RASL12: variants seen among roughly 807,000 people sequenced by gnomAD.
RASL12 encodes RAS like family 12.
RASL12 carries 16 observed loss-of-function variants against 22.9 expected under a neutral mutation model. The observed-to-expected ratio is 0.70, with a 90% CI of 0.47 to 1.06. RASL12 has a LOEUF of 1.06. Among genes scored for constraint, RASL12 ranks in the 50% least tolerant of loss-of-function variants. The probability of loss-of-function intolerance (pLI) is 0.00; values close to 1 mark genes in which losing one functional copy is unlikely to be tolerated. For missense variants in RASL12, 306 were observed against 353.1 expected (o/e 0.87, Z 1.07); for synonymous variants, 159 against 152.2 (o/e 1.04, Z -0.33).
chr15:65,052,061 C>A (rs1485683215), downstream of RASL12, among the ~76,000 whole-genome samples: 1 of 152,156 alleles, frequency 6.6e-6, no homozygotes, highest in Non-Finnish European at 1.5e-5. Flanking sequence ...TTGAATAAAA[C>A]CAATCTGGAG....
chr15:65,059,674 G>A (rs1441720921), intron 2 of RASL12, among the ~76,000 whole-genome samples: 4 of 152,008 alleles, frequency 2.6e-5, no homozygotes, highest in Non-Finnish European at 2.9e-5. Flanking sequence ...TCTGTGTTCT[G>A]GATCCACACA....
chr15:65,054,422 T>G lies in RASL12; in HGVS notation c.*477A>C. 4 of 990,502 alleles carry G rather than the reference T, an allele frequency of 4.0e-6. No individual in the cohort carries two copies. Among genetic ancestry groups the G allele is most frequent in the Non-Finnish European group, 4.8e-6 (4 of 833,168 alleles). The allele number at this position is 990,502 out of a possible 1,614,324, so 61.4% of individuals were successfully genotyped here. On this transcript the variant is annotated 3_prime_UTR_variant, in exon 5 of 5. Coordinates refer to ENST00000220062, the MANE Select transcript of RASL12 (RefSeq NM_016563.4). The stretch of plus-strand genomic sequence containing the variant: ...ATGACAGGAGGGCCAGGCTCTGGCC[T>G]CTGAAACTGCAGCCGCCCTGCCTTT...
intron 1 of RASL12, among the ~76,000 whole-genome samples, chr15:65,065,585 C>T (rs1373023377): frequency 6.6e-6 from 1 of 152,120 alleles, no homozygotes; most frequent in African/African-American, 2.4e-5. Flanking sequence ...AACCATTACC[C>T]TAGAGTCAGC....
upstream of RASL12, among the ~76,000 whole-genome samples, chr15:65,070,180 A>G (rs1431516517): frequency 6.6e-6 from 1 of 152,230 alleles, no homozygotes; most frequent in Non-Finnish European, 1.5e-5. Flanking sequence ...AGGTGGGAAG[A>G]TAGCTTCAGC....
chr15:65,053,001 C>T (rs574380553), downstream of RASL12: 15 of 1,613,738 alleles, frequency 9.3e-6, no homozygotes, highest in East Asian at 3.1e-4. Context: ...AAAGAAACTC[C>T]AGAAGTCCTG....
the RASL12 span, among the ~76,000 whole-genome samples, chr15:65,047,305 C>T: frequency 6.6e-6 from 1 of 151,022 alleles, no homozygotes; most frequent in African/African-American, 2.4e-5. Flanking sequence ...CATTGCACTC[C>T]AGCCTGGGCA....
the RASL12 span, among the ~76,000 whole-genome samples, chr15:65,046,082 C>A: frequency 2.8e-5 from 1 of 35,924 alleles, no homozygotes; most frequent in Non-Finnish European, 4.9e-5. Context: ...GATGGATCAC[C>A]TCAGGTCAGG....
Position 65,054,293 on chromosome 15 carries a change from G to A in RASL12, c.*606C>T. 1.0e-6 allele frequency: 1 copy of A among 985,826 alleles called. No homozygotes were observed. Among genetic ancestry groups the A allele is most frequent in the Non-Finnish European group, 1.2e-6 (1 of 830,110 alleles). 61.1% of individuals were successfully genotyped at this position (985,826 alleles called of 1,614,324 possible). On this transcript the variant is annotated 3_prime_UTR_variant, in exon 5 of 5. Coordinates refer to ENST00000220062, the MANE Select transcript of RASL12 (RefSeq NM_016563.4). ...TATCCTCATTGAGACGCCAAGTGTT[G>A]GAAATACCCCTTCCTGGGGCTTCTG...
intron 4 of RASL12, among the ~76,000 whole-genome samples, chr15:65,055,661 G>A (rs1163904288): frequency 1.3e-5 from 2 of 152,106 alleles, no homozygotes; most frequent in Non-Finnish European, 2.9e-5. Context: ...CTACCCCATC[G>A]TGGGTCCCTG....
At chr15:65,072,234 C>T (rs1184343337), upstream of RASL12, among the ~76,000 whole-genome samples, 3 of 152,226 alleles carry the variant, frequency 2.0e-5, no homozygotes, top group Admixed American at 6.5e-5. Flanking sequence ...CCTCCTCTTC[C>T]TGTCTGGTCC....
intron 1 of RASL12, among the ~76,000 whole-genome samples, chr15:65,074,403 T>TG (rs2140539835): frequency 6.6e-6 from 1 of 152,172 alleles, no homozygotes; most frequent in East Asian, 1.9e-4. Context: ...TAATTAATTT[T>TG]TTTTTTTTGA....
intron 2 of RASL12, among the ~76,000 whole-genome samples, chr15:65,063,629 CCAT>C (rs1398110666): frequency 6.6e-6 from 1 of 152,232 alleles, no homozygotes; most frequent in African/African-American, 2.4e-5. Flanking sequence ...GGGACTGTCA[CCAT>C]GTCACCTGCC....
downstream of RASL12, chr15:65,053,236 C>T (rs2086679318): frequency 6.4e-7 from 1 of 1,556,354 alleles, no homozygotes; most frequent in African/African-American, 1.4e-5. Context: ...TGAAACCTCT[C>T]AGGTTTTAGA....
chr15:65,061,170 A>T (rs56813157), intron 2 of RASL12, among the ~76,000 whole-genome samples: 9,648 of 145,878 alleles, frequency 0.066, 910 homozygotes, highest in African/African-American at 0.21. Flanking sequence ...GGTTGCTGTT[A>T]GCTCCATTGT....
chr15:65,068,820 T>C (rs2086910526), upstream of RASL12, among the ~76,000 whole-genome samples: 1 of 152,186 alleles, frequency 6.6e-6, no homozygotes, highest in African/African-American at 2.4e-5. This position sits in a 1 kb window ranked among gnomAD's most constrained non-coding sequence, Gnocchi z 4.2. Flanking sequence ...GATCTAGTGC[T>C]AGCTCCTGCC....
chr15:65,054,979 C>A lies in RASL12; in HGVS notation c.721G>T (p.Val241Phe). The A allele has an allele frequency of 6.2e-7, 1 of 1,614,178 alleles. No homozygotes were observed. Among genetic ancestry groups the A allele is most frequent in the Non-Finnish European group, 8.5e-7 (1 of 1,180,014 alleles). Residue 241 changes from valine to phenylalanine, a missense_variant, in exon 5 of 5, where the codon GTC (valine) becomes TTC (phenylalanine). Coordinates refer to ENST00000220062, the MANE Select transcript of RASL12 (RefSeq NM_016563.4). Reference sequence around the variant, plus strand: ...TGGGCCCGGGATGACTTCACGGTGACCAGCTTGGCCTGGGCCACAGTGGGC... The same window carrying A: ...TGGGCCCGGGATGACTTCACGGTGAACAGCTTGGCCTGGGCCACAGTGGGC... ...EMPTVAQAKL[V>F]TVKSSRAQSK... is the part of the protein sequence containing the mutation.
the RASL12 span, among the ~76,000 whole-genome samples, chr15:65,047,953 T>C: frequency 2.0e-5 from 3 of 151,518 alleles, no homozygotes; most frequent in Non-Finnish European, 4.4e-5. Context: ...CCGAGGCGAG[T>C]GGATTACCTG....
At chr15:65,055,918 G>A (rs1008930147) in intron 4 of RASL12, among the ~76,000 whole-genome samples, 2 of 152,150 alleles carry the variant, frequency 1.3e-5, no homozygotes, top group African/African-American at 2.4e-5. Context: ...AGAGGGCAGG[G>A]GGGACAACAT....
chr15:65,073,752 T>A (rs904824581), intron 1 of RASL12, among the ~76,000 whole-genome samples: 5 of 152,186 alleles, frequency 3.3e-5, no homozygotes, highest in African/African-American at 1.2e-4. Context: ...CATTAATAAT[T>A]TCTAATTCAT....
Sources: gnomAD v4.1 joint callset for allele counts (sites outside exome capture counted in the v4.1 genomes callset) on GRCh38, gnomAD v4.1.1 for gene constraint, Gnocchi (gnomAD v3.1) non-coding constraint, MANE v1.5 for transcripts, NCBI Gene and HGNC (gene_info 2026-07-23, HGNC 2026-07-21) for gene names.